The following NPAS3 variants were observed in gnomAD, a reference collection of about 807,000 sequenced individuals.
NPAS3 encodes neuronal PAS domain-containing protein 3.
Under a neutral mutation model 73.1 loss-of-function variants are expected in NPAS3, and 14 were observed. The observed-to-expected ratio is 0.19, with a 90% confidence interval of 0.13 to 0.30. The LOEUF (loss-of-function observed/expected upper bound fraction) is 0.30. NPAS3 is among the 10% of genes least tolerant of loss of function. The probability of loss-of-function intolerance (pLI) is 1.00; values close to 1 mark genes in which losing one functional copy is unlikely to be tolerated. For missense variants in NPAS3, 1,096 were observed against 1,250.0 expected, an observed-to-expected ratio of 0.88 and a Z score of 1.86; for synonymous variants, 620 against 541.5, an observed-to-expected ratio of 1.14 and a Z score of -2.01.
intron 6 of NPAS3, among the ~76,000 whole-genome samples, chr14:33,708,055 C>T (rs2060707686): frequency 2.0e-5 from 3 of 152,026 alleles, no homozygotes; most frequent in South Asian, 4.2e-4. Context: ...CATCGAGCAG[C>T]CACAAAAAAA....
intron 1 of NPAS3, among the ~76,000 whole-genome samples, chr14:33,020,974 C>G (rs1299114928): frequency 6.6e-6 from 1 of 152,066 alleles, no homozygotes; most frequent in African/African-American, 2.4e-5. Flanking sequence ...GTTGCCCAGG[C>G]TGGTCTTAAA....
chr14:33,041,873 C>T (rs963740772), intron 1 of NPAS3, among the ~76,000 whole-genome samples: 30 of 152,034 alleles, frequency 2.0e-4, no homozygotes, highest in African/African-American at 5.3e-4. Context: ...GCAGTCATGA[C>T]GGGTGAGGAG....
intron 4 of NPAS3, among the ~76,000 whole-genome samples, chr14:33,477,108 C>T (rs2051073851): frequency 1.3e-5 from 2 of 149,648 alleles, no homozygotes; most frequent in South Asian, 2.2e-4. Flanking sequence ...ATGATAAATT[C>T]ACCCTTTTTA....
intron 2 of NPAS3, among the ~76,000 whole-genome samples, chr14:33,092,470 G>T (rs947093429): frequency 1.3e-5 from 2 of 152,130 alleles, no homozygotes; most frequent in Admixed American, 6.5e-5. Context: ...AATAAAAGAG[G>T]ACACAAACAA....
At chr14:33,531,956 C>G (rs930083515) in intron 4 of NPAS3, among the ~76,000 whole-genome samples, 1 of 152,120 alleles carries the variant, frequency 6.6e-6, no homozygotes, top group Non-Finnish European at 1.5e-5. Context: ...GCCATTTGTG[C>G]GTCCTTTTGA....
At chr14:33,379,500 C>T (rs931283784) in intron 4 of NPAS3, among the ~76,000 whole-genome samples, 23 of 152,096 alleles carry the variant, frequency 1.5e-4, no homozygotes, top group African/African-American at 4.8e-4. Context: ...TTTAGAGTAG[C>T]CCTTGGTGGT....
chr14:33,292,759 C>G (rs935432354), intron 3 of NPAS3, among the ~76,000 whole-genome samples: 3 of 152,130 alleles, frequency 2.0e-5, no homozygotes, highest in African/African-American at 7.2e-5. Flanking sequence ...TTTCATGGGG[C>G]ACTTTTTGTA....
At chr14:33,039,356 T>C (rs2040274605) in intron 1 of NPAS3, among the ~76,000 whole-genome samples, 1 of 152,166 alleles carries the variant, frequency 6.6e-6, no homozygotes, top group Non-Finnish European at 1.5e-5. Context: ...GCTACAGAAA[T>C]ACTTAATGCC....
chr14:33,759,965 T>C (rs558176675), intron 7 of NPAS3, among the ~76,000 whole-genome samples: 5 of 152,312 alleles, frequency 3.3e-5, no homozygotes, highest in Admixed American at 2.6e-4. Context: ...TATCAAGACT[T>C]CCTTAGTACA....
rs79570547 is a variant in NPAS3, at chr14:33,462,051, T to C, written c.468+94783T>C. ...ATAATGGCAACTCCTACTTGGTTTA[T>C]TATTTATCTCTGTACTCTCCATGAC... On this transcript the variant is annotated intron_variant, in intron 4 of 11. Transcript: ENST00000356141. 9.2e-5 allele frequency among the ~76,000 whole-genome samples: 14 copies of C among 152,334 alleles called. No individual in the cohort carries two copies. In the East Asian group the frequency reaches 2.7e-3, roughly 29 times the overall value.
intron 4 of NPAS3, among the ~76,000 whole-genome samples, chr14:33,485,174 C>G (rs771711367): frequency 3.9e-5 from 6 of 152,120 alleles, no homozygotes; most frequent in Non-Finnish European, 7.4e-5. Flanking sequence ...ATAAGAATCT[C>G]TTATGGATTC....
At chr14:33,424,774 G>A (rs1285095347) in intron 4 of NPAS3, among the ~76,000 whole-genome samples, 2 of 151,712 alleles carry the variant, frequency 1.3e-5, no homozygotes, top group Non-Finnish European at 2.9e-5. Flanking sequence ...ATCATATTGA[G>A]TTTGAAGTGT....
intron 5 of NPAS3, among the ~76,000 whole-genome samples, chr14:33,629,514 T>C (rs2058319790): frequency 6.6e-6 from 1 of 152,062 alleles, no homozygotes; most frequent in African/African-American, 2.4e-5. Context: ...ACTGATGGAC[T>C]GAAGAAACTA....
intron 2 of NPAS3, among the ~76,000 whole-genome samples, chr14:33,072,874 C>T (rs1426943381): frequency 2.0e-5 from 3 of 151,940 alleles, no homozygotes; most frequent in Non-Finnish European, 2.9e-5. Flanking sequence ...TCTTTCATGT[C>T]GACTTGTGAC....
At chr14:33,797,224 T>C (rs2063538014) in intron 10 of NPAS3, among the ~76,000 whole-genome samples, 1 of 152,208 alleles carries the variant, frequency 6.6e-6, no homozygotes, top group African/African-American at 2.4e-5. Flanking sequence ...CTTCTCTCCA[T>C]GGCTTTCAGG....
At chr14:33,205,461 A>G (rs1380802862) in intron 2 of NPAS3, among the ~76,000 whole-genome samples, 10 of 152,166 alleles carry the variant, frequency 6.6e-5, no homozygotes, top group Non-Finnish European at 1.3e-4. Context: ...TTGGATATGT[A>G]GTTGCTAAAT....
At chr14:33,433,468 T>C (rs775009605) in intron 4 of NPAS3, among the ~76,000 whole-genome samples, 11 of 152,064 alleles carry the variant, frequency 7.2e-5, no homozygotes, top group Non-Finnish European at 1.0e-4. Flanking sequence ...TCTCAGAAAG[T>C]TGTGGTAATG....
intron 4 of NPAS3, among the ~76,000 whole-genome samples, chr14:33,553,303 T>TCTTC (rs1462252890): frequency 6.6e-6 from 1 of 152,210 alleles, no homozygotes; most frequent in East Asian, 1.9e-4. Flanking sequence ...GTCTCTTTGT[T>TCTTC]CTTCTCATGT....
intron 9 of NPAS3, among the ~76,000 whole-genome samples, chr14:33,785,939 C>T (rs1177348712): frequency 2.6e-5 from 4 of 152,156 alleles, no homozygotes; most frequent in African/African-American, 7.2e-5. Context: ...AGGGGTCAGT[C>T]GATGTTTTGT....
Sources: allele counts gnomAD v4.1 joint callset (sites outside exome capture counted in the v4.1 genomes callset), GRCh38; gene constraint gnomAD v4.1.1; transcripts MANE v1.5; gene names NCBI Gene and HGNC (gene_info 2026-07-23, HGNC 2026-07-21).